NSUN7: variants seen among roughly 807,000 people sequenced by gnomAD.
NSUN7 encodes NOP2/Sun RNA methyltransferase family member 7, also known as protein NSUN7.
In NSUN7, 39 loss-of-function variants were observed where a neutral mutation model predicts 58.5. The observed-to-expected ratio is 0.67, with a 90% CI of 0.52 to 0.87. The LOEUF is 0.87. NSUN7 is among the 40% of genes least tolerant of loss of function. The probability of loss-of-function intolerance (pLI) is 0.00; values close to 1 mark genes in which losing one functional copy is unlikely to be tolerated. For synonymous variants in NSUN7, 278 were observed against 303.7 expected (o/e 0.92, Z 0.88); for missense variants, 765 against 844.1 (o/e 0.91, Z 1.16).
At chr4:40,777,619 ATCT>A (rs1742334899) in intron 7 of NSUN7, among the ~76,000 whole-genome samples, 1 of 152,218 alleles carries the variant, frequency 6.6e-6, no homozygotes, top group South Asian at 2.1e-4. Flanking sequence ...CCCGGCCTGT[ATCT>A]TCTAAATTTT....
At chr4:40,797,536 A>G (rs1394423572) in intron 9 of NSUN7, among the ~76,000 whole-genome samples, 1 of 152,144 alleles carries the variant, frequency 6.6e-6, no homozygotes, top group East Asian at 1.9e-4. Context: ...AAACGTTAGC[A>G]TTATCCATGA....
intron 7 of NSUN7, among the ~76,000 whole-genome samples, chr4:40,784,320 C>T (rs1175320646): frequency 6.6e-6 from 1 of 152,154 alleles, no homozygotes; most frequent in Non-Finnish European, 1.5e-5. Context: ...AAAGCTTGTA[C>T]ATGAAAGTTC....
chr4:40,752,615 T>C (rs1464434020), intron 2 of NSUN7, among the ~76,000 whole-genome samples: 1 of 151,968 alleles, frequency 6.6e-6, no homozygotes, highest in Middle Eastern at 3.2e-3. Context: ...AGAGACGGGG[T>C]TTCACGGTGT....
intron 8 of NSUN7, 33 bp from the exon 9 acceptor site, chr4:40,794,342 C>A: frequency 8.0e-7 from 1 of 1,255,936 alleles, no homozygotes; most frequent in East Asian, 2.4e-5. Context: ...TTTAATGGTG[C>A]TATATTTAAA....
chr4:40,770,793 C>T (rs189531468), intron 4 of NSUN7, among the ~76,000 whole-genome samples: 215 of 152,290 alleles, frequency 1.4e-3, no homozygotes, highest in Middle Eastern at 3.4e-3. Flanking sequence ...TGGCTCACAC[C>T]TGTAATCCCA....
chr4:40,798,940 C>A, intron 10 of NSUN7, 36 bp downstream of exon 10: 2 of 1,064,508 alleles, frequency 1.9e-6, no homozygotes, highest in Non-Finnish European at 2.8e-6. Flanking sequence ...ACAACTCAAA[C>A]AAATATTTTT....
At chr4:40,798,525 T>A (rs1435667846) in intron 9 of NSUN7, among the ~76,000 whole-genome samples, 1 of 152,224 alleles carries the variant, frequency 6.6e-6, no homozygotes, top group East Asian at 1.9e-4. Flanking sequence ...TTTATTTATT[T>A]GTGTTTATAA....
chr4:40,762,241 T>G (rs1225102999), intron 4 of NSUN7, among the ~76,000 whole-genome samples: 3 of 152,238 alleles, frequency 2.0e-5, no homozygotes, highest in Non-Finnish European at 4.4e-5. Flanking sequence ...TATTTTGTTA[T>G]AGCAGTGCAA....
chr4:40,776,407 A>G (rs1039775240), intron 7 of NSUN7, 148 bp downstream of exon 7: 18 of 545,228 alleles, frequency 3.3e-5, no homozygotes, highest in Non-Finnish European at 4.7e-5. Context: ...ATGTCTTATC[A>G]GGCTGTCCTT....
At chr4:40,777,587 AT>A (rs1742332605) in intron 7 of NSUN7, among the ~76,000 whole-genome samples, 2 of 152,220 alleles carry the variant, frequency 1.3e-5, no homozygotes, top group Admixed American at 1.3e-4. Flanking sequence ...AAGTGCTAGG[AT>A]TACAGGCGTG....
rs537077691 is a variant in NSUN7, at chr4:40,761,118, G to T, written c.358-53G>T. 24 of 1,370,228 alleles carry T rather than the reference G, an allele frequency of 1.8e-5. No individual in the cohort carries two copies. In the East Asian group the frequency reaches 5.7e-4, roughly 33 times the overall value. The allele number at this position is 1,370,228 out of a possible 1,614,324, so 84.9% of individuals were successfully genotyped here. A position where few individuals can be genotyped will look rare whatever the true frequency, so the allele number is the denominator to read the frequency against. ...GGAATGGAATGGAATGGAAAATATT[G>T]CTGGTTAGATATTGTTTGTATACTT... On this transcript the variant is annotated intron_variant, in intron 3 of 11. Transcript: ENST00000381782.
chr4:40,750,865 C>A lies in NSUN7; in HGVS notation c.172C>A (p.Arg58=). 6.2e-7 allele frequency: 1 copy of A among 1,614,132 alleles called. No homozygotes were observed. Among genetic ancestry groups the A allele is most frequent in the Non-Finnish European group, 8.5e-7 (1 of 1,180,016 alleles). ...GGCAGCCAACATTTTTCAGGGTATT[C>A]GAATCGAAAAGTCGGCACAGAAAGT... is the stretch of plus-strand genomic sequence containing the variant. ...VMAANIFQGI[R]IEKSAQKVLI... is the part of the protein sequence containing the mutation. Residue 58 remains arginine (R), a synonymous_variant, in exon 2 of 12, where the codon CGA becomes AGA. Transcript: ENST00000381782.
At chr4:40,803,422 A>G (rs148956253) in intron 10 of NSUN7, among the ~76,000 whole-genome samples, 2,050 of 152,178 alleles carry the variant, frequency 0.013, 49 homozygotes, top group African/African-American at 0.046. Flanking sequence ...AAGTGTTCCT[A>G]TTTCTCCACA....
At chr4:40,800,989 T>A (rs2154289251) in intron 10 of NSUN7, among the ~76,000 whole-genome samples, 1 of 131,810 alleles carries the variant, frequency 7.6e-6, no homozygotes, top group Non-Finnish European at 1.5e-5. Flanking sequence ...TATATAGAAA[T>A]AAGGAAGGGA....
intron 2 of NSUN7, among the ~76,000 whole-genome samples, chr4:40,751,910 C>A (rs1462579083): frequency 6.6e-6 from 1 of 152,076 alleles, no homozygotes; most frequent in Non-Finnish European, 1.5e-5. Context: ...GCGGGAGGAT[C>A]GCTTGAGCCT....
At chr4:40,798,466 G>A (rs531807421) in intron 9 of NSUN7, among the ~76,000 whole-genome samples, 48 of 152,248 alleles carry the variant, frequency 3.2e-4, no homozygotes, top group African/African-American at 1.1e-3. Flanking sequence ...AGGCAATATC[G>A]CTTGTAGAAG....
intron 4 of NSUN7, among the ~76,000 whole-genome samples, chr4:40,761,653 A>G (rs916378765): frequency 1.3e-5 from 2 of 152,216 alleles, no homozygotes; most frequent in African/African-American, 4.8e-5. Flanking sequence ...AACATCTAAC[A>G]TGAATCAAAT....
chr4:40,750,444 C>CTTT (rs145071809), intron 1 of NSUN7, 144 bp downstream of exon 1: 12 of 271,082 alleles, frequency 4.4e-5, no homozygotes, highest in African/African-American at 1.0e-4. Flanking sequence ...CCCCTCCTCG[C>CTTT]TTTTTTTTTT....
At chr4:40,768,345 G>A (rs1466912654) in intron 4 of NSUN7, among the ~76,000 whole-genome samples, 1 of 151,914 alleles carries the variant, frequency 6.6e-6, no homozygotes, top group African/African-American at 2.4e-5. Context: ...GGGATTACAG[G>A]TGTGCGCCAT....
Sources: gnomAD v4.1 joint callset for allele counts (sites outside exome capture counted in the v4.1 genomes callset) on GRCh38, gnomAD v4.1.1 for gene constraint, MANE v1.5 for transcripts, NCBI Gene and HGNC (gene_info 2026-07-23, HGNC 2026-07-21) for gene names.